TBC1D16: variants seen among roughly 807,000 people sequenced by gnomAD.
TBC1D16 encodes the protein TBC1 domain family member 16, also known as CTD-2529O21.1.
In TBC1D16, 58 loss-of-function variants were observed where a neutral mutation model predicts 74.7. The ratio of observed to expected loss-of-function variants is 0.78; its 90% CI spans 0.63 to 0.97. TBC1D16 has a LOEUF of 0.97. Ranked by LOEUF, TBC1D16 falls within the 50% of genes least tolerant of loss-of-function variation. The probability of loss-of-function intolerance (pLI) is 0.00; values close to 1 mark genes in which losing one functional copy is unlikely to be tolerated. For synonymous variants in TBC1D16, 493 were observed against 474.7 expected (o/e 1.04, Z -0.50); for missense variants, 1,014 against 1,079.5 (o/e 0.94, Z 0.85).
intron 3 of TBC1D16, among the ~76,000 whole-genome samples, chr17:79,966,892 T>G (rs1257615128): frequency 1.3e-5 from 2 of 152,204 alleles, no homozygotes; most frequent in Non-Finnish European, 2.9e-5. Flanking sequence ...AATGCATGAC[T>G]GGTTCAACAT....
chr17:80,008,845 C>A lies in TBC1D16; in HGVS notation c.779+1315G>T, dbSNP rs2035772690. ...GATAAAATCAGGGAAGAACCCGTCC[C>A]ACAGTCACCCCTGCTGAGGCCAGCA... On this transcript the variant is annotated intron_variant, in intron 3 of 11. Transcript: ENST00000310924. The surrounding 1 kb of genome is among the most constrained non-coding windows in gnomAD (Gnocchi z 4.5). Among the ~76,000 whole-genome samples, 1 of 152,226 alleles carries A rather than the reference C, an allele frequency of 6.6e-6. No individual in the cohort carries two copies. The highest frequency in any genetic ancestry group is 2.4e-5 in the African/African-American group (1 of 41,454).
At chr17:80,032,041 T>G (rs958775972) in intron 1 of TBC1D16, among the ~76,000 whole-genome samples, 1 of 152,218 alleles carries the variant, frequency 6.6e-6, no homozygotes, top group African/African-American at 2.4e-5. Flanking sequence ...ATCTGTAAAG[T>G]TCACCCTTTC....
chr17:79,951,593 C>G lies in TBC1D16; in HGVS notation c.946G>C (p.Glu316Gln), dbSNP rs777334677. The change falls in exon 5 of 12, where the codon GAG becomes CAG. Residue 316 changes from glutamate to glutamine, a missense_variant. Glu to Gln is a conservative substitution (Grantham distance 29, BLOSUM62 2). Transcript: ENST00000310924. ...MRSLRLFFSD[E>Q]ACTSGQLVVA... The stretch of plus-strand genomic sequence containing the variant: ...ACCAGCTGGCCGCTGGTGCAGGCCT[C>G]GTCGCTGAAGGGCCATTGGAAGGGG... 1.2e-6 allele frequency: 2 copies of G among 1,612,750 alleles called. No homozygotes were observed. The highest frequency in any genetic ancestry group is 1.7e-6 in the Non-Finnish European group (2 of 1,179,408).
chr17:79,966,364 C>T lies in TBC1D16; in HGVS notation c.780-13546G>A, dbSNP rs896064241. ...AGGTGGACATGAATTTGAGGGAACA[C>T]TCTTCAATCCAGTATACCCCTTACC... On this transcript the variant is annotated intron_variant, in intron 3 of 11. Transcript: ENST00000310924. Among the ~76,000 whole-genome samples, 4 of 152,178 alleles carry T rather than the reference C, an allele frequency of 2.6e-5. No individual in the cohort carries two copies. The South Asian group carries it at 8.3e-4, about 32-fold the overall frequency.
chr17:79,937,884 G>A lies in TBC1D16; in HGVS notation c.*2975C>T, dbSNP rs1210251398. On this transcript the variant is annotated 3_prime_UTR_variant, in exon 12 of 12. Transcript: ENST00000310924. The stretch of plus-strand genomic sequence containing the variant: ...GCCCTGAGCAACATCGGGCGACGCT[G>A]TCAGCAGACATTAGCAGCAGAGCTG... 1 of 149,758 alleles carries A rather than the reference G, an allele frequency of 6.7e-6. No individual in the cohort carries two copies. The highest frequency in any genetic ancestry group is 2.4e-5 in the African/African-American group (1 of 41,264). The allele number at this position is 149,758 out of a possible 1,614,324, so 9.3% of individuals were successfully genotyped here. A position where few individuals can be genotyped will look rare whatever the true frequency, so the allele number is the denominator to read the frequency against.
rs2032290356 is a variant in TBC1D16 at position 79,944,091 on chromosome 17, C to A, written c.1908+817G>T. On this transcript the variant is annotated intron_variant, in intron 10 of 11. Coordinates refer to ENST00000310924, the MANE Select transcript of TBC1D16 (RefSeq NM_019020.4). This position sits in a 1 kb window ranked among gnomAD's most constrained non-coding sequence, Gnocchi z 7.7. The stretch of plus-strand genomic sequence containing the variant: ...CACTCGGTGGCTTCAGACTCGCTTT[C>A]ATCAGACATCAGCCCCCTGCGGTGT... The A allele has an allele frequency of 6.5e-7, 1 of 1,535,900 alleles. No individual in the cohort carries two copies. Among genetic ancestry groups the A allele is most frequent in the Non-Finnish European group, 8.7e-7 (1 of 1,146,882 alleles).
intron 3 of TBC1D16, among the ~76,000 whole-genome samples, chr17:79,982,991 G>A (rs895921995): frequency 1.3e-5 from 2 of 152,160 alleles, no homozygotes; most frequent in African/African-American, 4.8e-5. Flanking sequence ...CTGAACCTGC[G>A]TCATCCACGT....
chr17:79,996,221 C>A (rs1466198239), intron 3 of TBC1D16, among the ~76,000 whole-genome samples: 1 of 152,198 alleles, frequency 6.6e-6, no homozygotes, highest in South Asian at 2.1e-4. Context: ...CTGGTTGCCA[C>A]AATAAATCAT....
chr17:79,970,586 A>G (rs2034045878), intron 3 of TBC1D16, among the ~76,000 whole-genome samples: 1 of 152,182 alleles, frequency 6.6e-6, no homozygotes, highest in Non-Finnish European at 1.5e-5. Flanking sequence ...CAACGAGACA[A>G]GGTTGCCACC....
intron 1 of TBC1D16, among the ~76,000 whole-genome samples, chr17:80,033,455 C>T (rs2036842480): frequency 1.3e-5 from 2 of 151,940 alleles, no homozygotes; most frequent in South Asian, 2.1e-4. Context: ...TCACTGCAGC[C>T]CTGACCTCCC....
At chr17:79,997,819 C>T (rs961452903) in intron 3 of TBC1D16, among the ~76,000 whole-genome samples, 1 of 152,134 alleles carries the variant, frequency 6.6e-6, no homozygotes, top group South Asian at 2.1e-4. Context: ...ATCATTGCAG[C>T]CTCACACAGA....
chr17:79,979,661 C>T lies in TBC1D16; in HGVS notation c.780-26843G>A, dbSNP rs945983814. Among the ~76,000 whole-genome samples the T allele has an allele frequency of 6.6e-6, 1 of 152,006 alleles. No homozygotes were observed. Among genetic ancestry groups the T allele is most frequent in the Non-Finnish European group, 1.5e-5 (1 of 68,012 alleles). On this transcript the variant is annotated intron_variant, in intron 3 of 11. Coordinates refer to ENST00000310924, the MANE Select transcript of TBC1D16 (RefSeq NM_019020.4). This position sits in a 1 kb window ranked among gnomAD's most constrained non-coding sequence, Gnocchi z 4.8. ...GTCGACCTTCACTGTTTCCTGCAAA[C>T]ACAGCTGGGACATCAGCCCGGAAAG...
intron 1 of TBC1D16, among the ~76,000 whole-genome samples, chr17:80,021,577 T>C (rs751242970): frequency 7.3e-5 from 11 of 149,710 alleles, no homozygotes; most frequent in Non-Finnish European, 1.5e-4. Context: ...GAATTTTCAT[T>C]GATATGTAAG....
rs2031822272 is a variant in TBC1D16, at chr17:79,939,517, A to G, written c.*1342T>C. 6.6e-6 allele frequency: 1 copy of G among 152,200 alleles called. No homozygotes were observed. The allele number at this position is 152,200 out of a possible 1,614,324, so 9.4% of individuals were successfully genotyped here. On this transcript the variant is annotated 3_prime_UTR_variant, in exon 12 of 12. Coordinates refer to ENST00000310924, the MANE Select transcript of TBC1D16 (RefSeq NM_019020.4). Reference sequence around the variant, plus strand: ...CCCCATGATGGTTCTCAGCACATCAAGGGTTTTTCTCCCCAGAAGGACGCG... The same window carrying G: ...CCCCATGATGGTTCTCAGCACATCAGGGGTTTTTCTCCCCAGAAGGACGCG...
chr17:80,009,282 G>A lies in TBC1D16; in HGVS notation c.779+878C>T, dbSNP rs943055610. Among the ~76,000 whole-genome samples, 4 of 152,226 alleles carry A rather than the reference G, an allele frequency of 2.6e-5. No homozygotes were observed. The highest frequency in any genetic ancestry group is 7.2e-5 in the African/African-American group (3 of 41,464). Reference sequence around the variant, plus strand: ...TTATTTGCCCAGAAATCTAATGAGCGTAAGGACCACAGCCGGGGCATAGGA... The same window carrying A: ...TTATTTGCCCAGAAATCTAATGAGCATAAGGACCACAGCCGGGGCATAGGA... On this transcript the variant is annotated intron_variant, in intron 3 of 11. Transcript: ENST00000310924. This position sits in a 1 kb window ranked among gnomAD's most constrained non-coding sequence, Gnocchi z 5.4.
At chr17:79,978,081 A>G (rs1282410525) in intron 3 of TBC1D16, among the ~76,000 whole-genome samples, 5 of 152,234 alleles carry the variant, frequency 3.3e-5, no homozygotes, top group Non-Finnish European at 7.3e-5. Flanking sequence ...TCCCAGGCCT[A>G]GAACCTGCCC....
rs140163880 is a variant in TBC1D16, at chr17:79,952,139, C to T, written c.941+518G>A. 8.5e-3 allele frequency: 1,313 copies of T among 155,052 alleles called. 12 individuals are homozygous for T. Among genetic ancestry groups the T allele is most frequent in the South Asian group, 0.012 (61 of 4,890 alleles). The allele number at this position is 155,052 out of a possible 1,614,324, so 9.6% of individuals were successfully genotyped here. Reference sequence around the variant, plus strand: ...GAACCCCCCCAGCTTCTGGACACGCCGGCTTCTTCTAAGCCCGGGCCTCTC... The same window carrying T: ...GAACCCCCCCAGCTTCTGGACACGCTGGCTTCTTCTAAGCCCGGGCCTCTC... On this transcript the variant is annotated intron_variant, in intron 4 of 11. Transcript: ENST00000310924.
At chr17:80,020,861 A>T (rs1368762801) in intron 1 of TBC1D16, among the ~76,000 whole-genome samples, 1 of 150,100 alleles carries the variant, frequency 6.7e-6, no homozygotes, top group Non-Finnish European at 1.5e-5. Context: ...TGGGAACTGA[A>T]AAATGGTTTT....
rs769281253 is a variant in TBC1D16, at chr17:79,951,589, G to A, written c.950C>T (p.Ala317Val). The change falls in exon 5 of 12, where the codon GCC becomes GTC. Residue 317 changes from alanine (A) to valine (V), a missense_variant. Ala to Val is a moderately conservative substitution (Grantham distance 64, BLOSUM62 0). Coordinates refer to ENST00000310924, the MANE Select transcript of TBC1D16 (RefSeq NM_019020.4). ...RSLRLFFSDE[A>V]CTSGQLVVAS... ...AACGACCAGCTGGCCGCTGGTGCAG[G>A]CCTCGTCGCTGAAGGGCCATTGGAA... is the stretch of plus-strand genomic sequence containing the variant. 8.7e-6 allele frequency: 14 copies of A among 1,613,338 alleles called. No homozygotes were observed. The highest frequency in any genetic ancestry group is 1.2e-5 in the Non-Finnish European group (14 of 1,179,742).
Sources: allele counts gnomAD v4.1 joint callset (sites outside exome capture counted in the v4.1 genomes callset), GRCh38; gene constraint gnomAD v4.1.1; non-coding constraint Gnocchi (gnomAD v3.1); transcripts MANE v1.5; gene names NCBI Gene and HGNC (gene_info 2026-07-23, HGNC 2026-07-21).